The following SOX6 variants were observed in gnomAD, a reference collection of about 807,000 sequenced individuals.
SOX6 encodes the protein transcription factor SOX-6.
In SOX6, 11 loss-of-function variants were observed where a neutral mutation model predicts 97.8. The ratio of observed to expected loss-of-function variants is 0.11; its 90% confidence interval spans 0.07 to 0.19. The LOEUF is 0.19. SOX6 is among the 10% of genes least tolerant of loss of function. The pLI is 1.00. For missense variants in SOX6, 810 were observed against 1,039.5 expected (o/e 0.78, Z 3.04); for synonymous variants, 360 against 371.4 (o/e 0.97, Z 0.35).
chr11:16,041,687 A>T (rs918553755), intron 12 of SOX6, among the ~76,000 whole-genome samples: 1 of 152,208 alleles, frequency 6.6e-6, no homozygotes, highest in Non-Finnish European at 1.5e-5. Context: ...TAAAGAATAT[A>T]TTAAATAAGT....
chr11:16,388,336 T>G (rs1027097506), intron 1 of SOX6, among the ~76,000 whole-genome samples: 3 of 152,156 alleles, frequency 2.0e-5, no homozygotes, highest in Non-Finnish European at 4.4e-5. Context: ...GTTAAAGATT[T>G]TTGCATCTAT....
intron 4 of SOX6, among the ~76,000 whole-genome samples, chr11:16,559,946 T>C (rs1297740018): frequency 1.3e-5 from 2 of 152,136 alleles, no homozygotes; most frequent in African/African-American, 2.4e-5. Flanking sequence ...ACCAAATGTT[T>C]GAAATTTTTG....
chr11:16,265,402 T>C (rs1361385670), intron 3 of SOX6, among the ~76,000 whole-genome samples: 1 of 151,720 alleles, frequency 6.6e-6, no homozygotes, highest in African/African-American at 2.4e-5. Flanking sequence ...ACTAGATAAA[T>C]CCTGCCTTAT....
intron 3 of SOX6, among the ~76,000 whole-genome samples, chr11:16,248,756 G>A (rs1292236149): frequency 6.6e-6 from 1 of 152,206 alleles, no homozygotes; most frequent in Admixed American, 6.5e-5. Flanking sequence ...CTGCTGTGAA[G>A]GTCTCTGACA....
At chr11:16,546,302 C>T (rs1847620088) in intron 4 of SOX6, among the ~76,000 whole-genome samples, 1 of 152,020 alleles carries the variant, frequency 6.6e-6, no homozygotes, top group Admixed American at 6.6e-5. Context: ...TCAATGCAAC[C>T]CCTATCAAAA....
chr11:16,389,014 T>C (rs757630270), intron 1 of SOX6, among the ~76,000 whole-genome samples: 24 of 152,158 alleles, frequency 1.6e-4, no homozygotes, highest in South Asian at 8.3e-4. Flanking sequence ...CTTTTAATAT[T>C]GTCATATATC....
chr11:16,151,329 T>A (rs1011466156), intron 6 of SOX6, among the ~76,000 whole-genome samples: 13 of 152,302 alleles, frequency 8.5e-5, no homozygotes, highest in Non-Finnish European at 1.9e-4. Flanking sequence ...AATGACTGAA[T>A]TTGTCATGTC....
intron 4 of SOX6, among the ~76,000 whole-genome samples, chr11:16,514,389 C>G (rs991091660): frequency 6.6e-6 from 1 of 152,024 alleles, no homozygotes; most frequent in African/African-American, 2.4e-5. Context: ...AACATTGGTA[C>G]ATAATAGTTG....
chr11:16,583,044 A>C (rs1848045542), intron 4 of SOX6, among the ~76,000 whole-genome samples: 1 of 152,098 alleles, frequency 6.6e-6, no homozygotes, highest in Non-Finnish European at 1.5e-5. Flanking sequence ...CCTAAGTGTC[A>C]ATTTACTCAT....
chr11:16,539,691 A>G (rs893961460), intron 4 of SOX6, among the ~76,000 whole-genome samples: 5 of 152,170 alleles, frequency 3.3e-5, no homozygotes, highest in Non-Finnish European at 5.9e-5. Context: ...TACTATAAAC[A>G]CCTCTATGCA....
chr11:16,141,451 G>A (rs939872645), intron 6 of SOX6, among the ~76,000 whole-genome samples: 26 of 152,114 alleles, frequency 1.7e-4, no homozygotes, highest in African/African-American at 5.8e-4. Context: ...CGCAGAAGAC[G>A]GGTGATTTCT....
At chr11:16,581,990 T>C (rs910462310) in intron 4 of SOX6, among the ~76,000 whole-genome samples, 11 of 147,316 alleles carry the variant, frequency 7.5e-5, no homozygotes, top group Non-Finnish European at 1.3e-4. Context: ...AGAAGAAGAA[T>C]GAAATCATGT....
intron 3 of SOX6, among the ~76,000 whole-genome samples, chr11:16,262,302 A>T (rs1853926772): frequency 6.6e-6 from 1 of 152,126 alleles, no homozygotes; most frequent in Non-Finnish European, 1.5e-5. Context: ...GAGTGTGTAC[A>T]TTTATTGGTC....
chr11:16,588,787 G>T (rs1418836742), intron 4 of SOX6, among the ~76,000 whole-genome samples: 2 of 152,198 alleles, frequency 1.3e-5, no homozygotes, highest in African/African-American at 4.8e-5. Flanking sequence ...CCAGCATTTT[G>T]GGAGGCTGAA....
rs1250391551 is a variant in SOX6, at chr11:16,356,377, A to G, written c.-288T>C. ...AGTTAAAAACATAAAAGTAAATGAAAGAAGTGAAATCTCTTGGCCTGTTGG... is the reference window on the plus strand; with the variant it reads ...AGTTAAAAACATAAAAGTAAATGAAGGAAGTGAAATCTCTTGGCCTGTTGG... On this transcript the variant is annotated 5_prime_UTR_variant, in exon 1 of 16. Coordinates refer to ENST00000683767, the MANE Select transcript of SOX6 (RefSeq NM_001367873.1). 6.6e-6 allele frequency among the ~76,000 whole-genome samples: 1 copy of G among 152,122 alleles called. No individual in the cohort carries two copies. Among genetic ancestry groups the G allele is most frequent in the Admixed American group, 6.6e-5 (1 of 15,238 alleles).
chr11:16,157,364 A>T (rs889954864), intron 6 of SOX6, among the ~76,000 whole-genome samples: 4 of 151,956 alleles, frequency 2.6e-5, no homozygotes, highest in African/African-American at 9.7e-5. Context: ...TTTCTAACTC[A>T]GACTCAATTT....
chr11:16,469,514 TG>T (rs766719115), intron 1 of SOX6, among the ~76,000 whole-genome samples: 9 of 152,118 alleles, frequency 5.9e-5, no homozygotes, highest in Non-Finnish European at 1.3e-4. Context: ...TTAAGACACA[TG>T]GCTTAACATG....
chr11:16,107,553 A>T (rs745877917), intron 7 of SOX6, among the ~76,000 whole-genome samples: 2 of 151,406 alleles, frequency 1.3e-5, no homozygotes, highest in Non-Finnish European at 2.9e-5. Context: ...TAAATATTGT[A>T]TTATTCCAAT....
At chr11:16,656,845 G>A (rs367826114) in intron 3 of SOX6, among the ~76,000 whole-genome samples, 2 of 152,156 alleles carry the variant, frequency 1.3e-5, no homozygotes, top group African/African-American at 4.8e-5. Context: ...CAGAAAATTG[G>A]TCAGACGAGA....
Sources: gnomAD v4.1 joint callset for allele counts (sites outside exome capture counted in the v4.1 genomes callset) on GRCh38, gnomAD v4.1.1 for gene constraint, MANE v1.5 for transcripts, NCBI Gene and HGNC (gene_info 2026-07-23, HGNC 2026-07-21) for gene names.